PRKD1: variants seen among roughly 807,000 people sequenced by gnomAD.
PRKD1 encodes serine/threonine-protein kinase D1.
In PRKD1, 63 loss-of-function variants were observed where a neutral mutation model predicts 95.9. That is an observed-to-expected ratio of 0.66 (90% CI 0.54 to 0.81). The LOEUF (loss-of-function observed/expected upper bound fraction) is 0.81, where lower values mean the gene tolerates loss of function less well. Among genes scored for constraint, PRKD1 ranks in the 30% least tolerant of loss-of-function variants. The probability of loss-of-function intolerance (pLI) is 0.00; values close to 1 mark genes in which losing one functional copy is unlikely to be tolerated. For missense variants in PRKD1, 1,048 were observed against 1,165.3 expected (o/e 0.90, Z 1.47); for synonymous variants, 425 against 423.1 (o/e 1.00, Z -0.05).
At chr14:29,745,666 G>A (rs12897251) in intron 1 of PRKD1, among the ~76,000 whole-genome samples, 22,433 of 151,754 alleles carry the variant, frequency 0.15, 1,993 homozygotes, top group South Asian at 0.22. Flanking sequence ...GTAGAGACAG[G>A]GGGTCTCACT....
intron 1 of PRKD1, among the ~76,000 whole-genome samples, chr14:29,768,395 C>T (rs1888356232): frequency 6.6e-6 from 1 of 152,282 alleles, no homozygotes; most frequent in South Asian, 2.1e-4. Context: ...ATCACTGGTA[C>T]TTTGGTAACT....
At chr14:29,814,138 C>A (rs548290211) in intron 1 of PRKD1, among the ~76,000 whole-genome samples, 1 of 152,206 alleles carries the variant, frequency 6.6e-6, no homozygotes, top group Non-Finnish European at 1.5e-5. Flanking sequence ...AATTCCCTTG[C>A]AGCTTCATTT....
At chr14:29,854,023 C>T (rs1178312938) in intron 1 of PRKD1, among the ~76,000 whole-genome samples, 4 of 152,126 alleles carry the variant, frequency 2.6e-5, no homozygotes, top group African/African-American at 7.2e-5. Flanking sequence ...TGCCCAGTCT[C>T]GGATATGTTT....
chr14:29,748,075 C>T (rs1377899029), intron 1 of PRKD1, among the ~76,000 whole-genome samples: 1 of 152,150 alleles, frequency 6.6e-6, no homozygotes, highest in Non-Finnish European at 1.5e-5. Flanking sequence ...AAATAAATAT[C>T]CAAATGCACT....
At chr14:29,880,870 C>G (rs576071386) in intron 1 of PRKD1, among the ~76,000 whole-genome samples, 1 of 152,178 alleles carries the variant, frequency 6.6e-6, no homozygotes, top group South Asian at 2.1e-4. Context: ...TGGGCCCTTG[C>G]ATGGCCAATT....
At chr14:29,611,230 G>A (rs1159663039) in intron 13 of PRKD1, among the ~76,000 whole-genome samples, 1 of 152,136 alleles carries the variant, frequency 6.6e-6, no homozygotes, top group Admixed American at 6.6e-5. Flanking sequence ...GTGGGGGAAG[G>A]TACACATGTG....
chr14:29,617,999 T>C lies in PRKD1; in HGVS notation c.1905+6153A>G, dbSNP rs1001924231. On this transcript the variant is annotated intron_variant, in intron 13 of 17. Coordinates refer to ENST00000331968, the MANE Select transcript of PRKD1 (RefSeq NM_002742.3). ...GGTGGGAGGATTGCTTGAACCTGGG[T>C]CAAGGCTGCAGCGAGCTGTGATCAC... 1.2e-4 allele frequency among the ~76,000 whole-genome samples: 18 copies of C among 152,072 alleles called. 1 individual carries two copies. Among genetic ancestry groups the C allele is most frequent in the Admixed American group, 9.8e-4 (15 of 15,282 alleles).
At position 29,598,411 on chromosome 14, in the gene PRKD1, T is replaced by C. The variant is rs554883965; in HGVS notation, c.2166+616A>G. Among the ~76,000 whole-genome samples, 6 of 152,016 alleles carry C rather than the reference T, an allele frequency of 3.9e-5. No homozygotes were observed. The South Asian group carries it at 8.4e-4, about 21-fold the overall frequency. ...CAAGTGTACTCAGAAGTGGGTAATA[T>C]TGTATACAAGGCAGGAAAGCGTTAT... On this transcript the variant is annotated intron_variant, in intron 15 of 17. Transcript: ENST00000331968.
At chr14:29,651,142 T>A (rs1434649802) in intron 4 of PRKD1, among the ~76,000 whole-genome samples, 1 of 152,216 alleles carries the variant, frequency 6.6e-6, no homozygotes, top group Non-Finnish European at 1.5e-5. Context: ...GACTAGATTT[T>A]AATGCAACTT....
At chr14:29,654,330 C>G (rs964748911) in intron 4 of PRKD1, among the ~76,000 whole-genome samples, 1 of 152,014 alleles carries the variant, frequency 6.6e-6, no homozygotes, top group African/African-American at 2.4e-5. Flanking sequence ...TGCCACCATG[C>G]CTGGCTAATT....
At chr14:29,868,140 G>T (rs1374872733) in intron 1 of PRKD1, among the ~76,000 whole-genome samples, 3 of 152,094 alleles carry the variant, frequency 2.0e-5, no homozygotes, top group African/African-American at 4.8e-5. Flanking sequence ...GGCCAAGTGT[G>T]TTTATGTGTA....
intron 1 of PRKD1, among the ~76,000 whole-genome samples, chr14:29,877,918 G>A (rs759416228): frequency 1.2e-4 from 18 of 152,032 alleles, no homozygotes; most frequent in Admixed American, 2.6e-4. Context: ...ATAAATGGCC[G>A]ATTGGATGAG....
chr14:29,628,959 T>C (rs1177914318), intron 11 of PRKD1, 82 bp downstream of exon 11: 3 of 1,017,506 alleles, frequency 2.9e-6, no homozygotes, highest in East Asian at 3.0e-5. Flanking sequence ...AAAATTAAAA[T>C]GAATTAAAAA....
At chr14:29,877,805 A>G (rs552998033) in intron 1 of PRKD1, among the ~76,000 whole-genome samples, 40 of 152,344 alleles carry the variant, frequency 2.6e-4, no homozygotes, top group East Asian at 3.9e-4. Context: ...CTGGGTATAT[A>G]CCCAAAGGAA....
chr14:29,733,590 G>A (rs1566568517), intron 1 of PRKD1, among the ~76,000 whole-genome samples: 1 of 152,142 alleles, frequency 6.6e-6, no homozygotes, highest in Non-Finnish European at 1.5e-5. Flanking sequence ...TGAAGGGGAA[G>A]GCAAGACACC....
chr14:29,866,894 A>G (rs1019444042), intron 1 of PRKD1, among the ~76,000 whole-genome samples: 1 of 152,134 alleles, frequency 6.6e-6, no homozygotes, highest in Non-Finnish European at 1.5e-5. Context: ...ATGAACTGAG[A>G]CTTATATACC....
At chr14:29,840,442 A>G (rs1277081660) in intron 1 of PRKD1, among the ~76,000 whole-genome samples, 1 of 152,064 alleles carries the variant, frequency 6.6e-6, no homozygotes, top group East Asian at 1.9e-4. Flanking sequence ...ACTTTCCCAC[A>G]TTTCTCTGTC....
chr14:29,909,160 C>T (rs1488217215), intron 1 of PRKD1, among the ~76,000 whole-genome samples: 2 of 152,260 alleles, frequency 1.3e-5, no homozygotes, highest in East Asian at 3.9e-4. Context: ...GTGGAGGGTG[C>T]GCCAGGTCCC....
intron 13 of PRKD1, among the ~76,000 whole-genome samples, chr14:29,611,398 G>T (rs1257820908): frequency 6.6e-6 from 1 of 151,752 alleles, no homozygotes; most frequent in Non-Finnish European, 1.5e-5. Flanking sequence ...CATCATCTGG[G>T]CTCATACACT....
Sources: gnomAD v4.1 joint callset for allele counts (sites outside exome capture counted in the v4.1 genomes callset) on GRCh38, gnomAD v4.1.1 for gene constraint, MANE v1.5 for transcripts, NCBI Gene and HGNC (gene_info 2026-07-23, HGNC 2026-07-21) for gene names.